Variants in PML observed in about 807,000 individuals in gnomAD.
The protein encoded by PML is protein PML.
Under a neutral mutation model 65.2 loss-of-function variants are expected in PML, and 28 were observed. The observed-to-expected ratio is 0.43, with a 90% CI of 0.32 to 0.59. The LOEUF (loss-of-function observed/expected upper bound fraction) is 0.59, where lower values mean the gene tolerates loss of function less well. PML is among the 20% of genes least tolerant of loss of function. The pLI is 0.08. For synonymous variants in PML, 500 were observed against 508.8 expected (o/e 0.98, Z 0.23); for missense variants, 1,021 against 1,203.4 (o/e 0.85, Z 2.24).
chr15:74,016,164 C>G (rs2070565115), intron 2 of PML, among the ~76,000 whole-genome samples: 1 of 152,096 alleles, frequency 6.6e-6, no homozygotes. Flanking sequence ...ATAGTCCCAG[C>G]TACTCAGGAG....
rs8023837 is a variant in PML at position 73,996,916 on chromosome 15, G to T, written c.130-1088G>T. On this transcript the variant is annotated intron_variant, in intron 1 of 8. Coordinates refer to ENST00000268058, the MANE Select transcript of PML (RefSeq NM_033238.3). ...AGGATCTTGACTGCAAATTGTTCAG[G>T]TTCTTGGCATTTTGAACAAAGAATT... Among the ~76,000 whole-genome samples the T allele has an allele frequency of 7.1e-3, 1,086 of 152,294 alleles. 10 individuals are homozygous for T. The highest frequency in any genetic ancestry group is 0.024 in the African/African-American group (1,011 of 41,572).
rs545577011 is a variant in PML, at chr15:73,998,018, G to A, written c.144G>A (p.Ser48=). 5 of 1,612,196 alleles carry A rather than the reference G, an allele frequency of 3.1e-6. No homozygotes were observed. The South Asian group carries it at 4.4e-5, about 14-fold the overall frequency. The change falls in exon 2 of 9, where the codon TCG becomes TCA. Residue 48 remains serine, a synonymous_variant. Coordinates refer to ENST00000268058, the MANE Select transcript of PML (RefSeq NM_033238.3). ...TGGTCCCCCAGCGAGCCCCCGCTTC[G>A]GAGGAGGAGTTCCAGTTTCTGCGCT... is the stretch of plus-strand genomic sequence containing the variant. The part of the protein sequence containing the change: ...SPSPTERAPA[S]EEEFQFLRCQ...
rs568147640 is a variant in PML at position 74,035,861 on chromosome 15, G to A, written c.1710+1331G>A. 6.2e-7 allele frequency: 1 copy of A among 1,613,808 alleles called. No homozygotes were observed. Among genetic ancestry groups the A allele is most frequent in the African/African-American group, 1.3e-5 (1 of 75,020 alleles). On this transcript the variant is annotated intron_variant, in intron 7 of 8. Coordinates refer to ENST00000268058, the MANE Select transcript of PML (RefSeq NM_033238.3). The surrounding 1 kb of genome is among the most constrained non-coding windows in gnomAD (Gnocchi z 4.1). ...AGGCCTCTCAAGTCCAAGTGCCTCTGGAAGCCTCTCCAATTACATTCCCAC... is the reference window on the plus strand; with the variant it reads ...AGGCCTCTCAAGTCCAAGTGCCTCTAGAAGCCTCTCCAATTACATTCCCAC...
Position 74,030,504 on chromosome 15 carries a change from C to T in PML, c.1255-2068C>T, listed in dbSNP as rs957653702. Among the ~76,000 whole-genome samples the T allele has an allele frequency of 2.0e-5, 3 of 152,102 alleles. No homozygotes were observed. In the East Asian group the frequency reaches 5.8e-4, roughly 29 times the overall value. On this transcript the variant is annotated intron_variant, in intron 4 of 8. Transcript: ENST00000268058. ...TCTCTACTAAAAATACAAAAATTAGCTGGGCGTGGGGCTGTGCGCCTGTAA... is the reference window on the plus strand; with the variant it reads ...TCTCTACTAAAAATACAAAAATTAGTTGGGCGTGGGGCTGTGCGCCTGTAA...
intron 2 of PML, among the ~76,000 whole-genome samples, chr15:74,006,390 C>CAAAAAA (rs372202858): frequency 1.3e-4 from 11 of 87,496 alleles, no homozygotes; most frequent in African/African-American, 2.4e-4. Context: ...GACTCCGTCT[C>CAAAAAA]AAAAAAAAAA....
chr15:74,024,836 G>T, intron 3 of PML, 21 bp from the exon 4 acceptor site: 1 of 1,598,890 alleles, frequency 6.3e-7, no homozygotes, highest in South Asian at 1.1e-5. Flanking sequence ...ACCTGCCTGT[G>T]ACCTTCTTTG....
Position 74,016,792 on chromosome 15 carries a change from C to CTTTTTT in PML, c.603-6019_603-6014dup, listed in dbSNP as rs535665071. On this transcript the variant is annotated intron_variant, in intron 2 of 8. Coordinates refer to ENST00000268058, the MANE Select transcript of PML (RefSeq NM_033238.3). ...TTTTGAATTTTTTAGGCAGTGGCAT[C>CTTTTTT]TTTTTTTTTTTTTTTTTTTTTTGAG... Among the ~76,000 whole-genome samples, 23 of 77,636 alleles carry CTTTTTT rather than the reference C, an allele frequency of 3.0e-4. 3 individuals carry two copies. Among genetic ancestry groups the CTTTTTT allele is most frequent in the East Asian group, 8.9e-4 (2 of 2,254 alleles). The allele number at this position is 77,636 out of a possible 152,430, so 50.9% of individuals were successfully genotyped here. A position where few individuals can be genotyped will look rare whatever the true frequency, so the allele number is the denominator to read the frequency against.
chr15:74,023,526 T>TC, intron 3 of PML, 118 bp downstream of exon 3: 1 of 857,336 alleles, frequency 1.2e-6, no homozygotes, highest in Non-Finnish European at 1.9e-6. Flanking sequence ...TATTCAGTCT[T>TC]TGGGGGTTGG....
At chr15:74,032,093 C>T (rs1165398463) in intron 4 of PML, among the ~76,000 whole-genome samples, 2 of 152,150 alleles carry the variant, frequency 1.3e-5, no homozygotes, top group Non-Finnish European at 2.9e-5. Flanking sequence ...CAGTAGTGAG[C>T]ACTTTGTCCC....
At chr15:74,021,000 C>T (rs1386855527) in intron 2 of PML, among the ~76,000 whole-genome samples, 1 of 152,126 alleles carries the variant, frequency 6.6e-6, no homozygotes, top group Non-Finnish European at 1.5e-5. Flanking sequence ...CTGCAAAGAC[C>T]CTTTTGCCAT....
At position 74,042,423 on chromosome 15, in the gene PML, C is replaced by T. The variant is rs147906513; in HGVS notation, c.1711-566C>T. Reference sequence around the variant, plus strand: ...GGGACAAGAAAAGGCAGGCTCCCGACCCCTTCCAAAGAATCATCTGGGGTT... The same window carrying T: ...GGGACAAGAAAAGGCAGGCTCCCGATCCCTTCCAAAGAATCATCTGGGGTT... On this transcript the variant is annotated intron_variant, in intron 7 of 8. Transcript: ENST00000268058. The surrounding 1 kb of genome is among the most constrained non-coding windows in gnomAD (Gnocchi z 5.3). 1.2e-4 allele frequency: 121 copies of T among 985,434 alleles called. No individual in the cohort carries two copies. The East Asian group carries it at 0.011, about 87-fold the overall frequency. 61.0% of individuals were successfully genotyped at this position (985,434 alleles called of 1,614,324 possible). A position where few individuals can be genotyped will look rare whatever the true frequency, so the allele number is the denominator to read the frequency against.
chr15:74,036,956 C>T (rs527886605), intron 7 of PML: 9 of 985,428 alleles, frequency 9.1e-6, no homozygotes, highest in East Asian at 2.3e-4. Context: ...CCTCCAGCCC[C>T]GCGCACTCCC....
rs937565901 is a variant in PML, at chr15:74,023,062, C to A, written c.837C>A (p.Ile279=). Residue 279 remains isoleucine (I), a synonymous_variant, in exon 3 of 9, where the codon ATC becomes ATA. Transcript: ENST00000268058. ...CGCGTGCCGAGACCGAGGAGCTGAT[C>A]CGCGAGCGCGTGCGCCAGGTGGTAG... is the stretch of plus-strand genomic sequence containing the variant. ...GRARAETEEL[I]RERVRQVVAH... 20 of 1,603,126 alleles carry A rather than the reference C, an allele frequency of 1.2e-5. No homozygotes were observed. The highest frequency in any genetic ancestry group is 4.5e-5 in the East Asian group (2 of 44,804).
At chr15:74,012,207 G>A (rs914315877) in intron 2 of PML, among the ~76,000 whole-genome samples, 5 of 152,142 alleles carry the variant, frequency 3.3e-5, no homozygotes, top group African/African-American at 7.2e-5. Flanking sequence ...ACAGAGTCTC[G>A]CTCTGTTGCC....
At chr15:73,995,484 A>G (rs1167764747) in intron 1 of PML, among the ~76,000 whole-genome samples, 3 of 151,994 alleles carry the variant, frequency 2.0e-5, no homozygotes, top group Non-Finnish European at 4.4e-5. Context: ...CTCTTGCCAC[A>G]CCTTTCCTGC....
In PML at chr15:74,044,747, C is replaced by T. The variant is rs748085152; in HGVS notation, c.2388C>T (p.Arg796=). 1 of 1,612,342 alleles carries T rather than the reference C, an allele frequency of 6.2e-7. No individual in the cohort carries two copies. The highest frequency in any genetic ancestry group is 8.5e-7 in the Non-Finnish European group (1 of 1,180,018). ...QAAVLPRAEA[R]LLALHNVSFM... is the part of the protein sequence containing the mutation. ...CTGTGCTGCCCCGGGCTGAGGCCCG[C>T]CTCCTGGCCCTACACAACGTGAGCT... Residue 796 remains arginine (R), a synonymous_variant, in exon 9 of 9, where the codon CGC becomes CGT. Coordinates refer to ENST00000268058, the MANE Select transcript of PML (RefSeq NM_033238.3).
At chr15:74,038,673 G>A (rs1257406841) in intron 7 of PML, among the ~76,000 whole-genome samples, 4 of 152,116 alleles carry the variant, frequency 2.6e-5, no homozygotes, top group Non-Finnish European at 4.4e-5. Flanking sequence ...AGGGGGTGGG[G>A]TGATATTCCC....
At chr15:74,036,026 C>G in intron 7 of PML, 1 of 1,614,126 alleles carries the variant, frequency 6.2e-7, no homozygotes, top group Non-Finnish European at 8.5e-7. Flanking sequence ...CCAGCCCATG[C>G]TCTTACAGGC....
Position 74,033,400 on chromosome 15 carries a change from G to A in PML, c.1643G>A (p.Gly548Asp), listed in dbSNP as rs1292101503. The change falls in exon 6 of 9, where the codon GGC becomes GAC. Residue 548 changes from glycine (G) to aspartate (D), a missense_variant. Physicochemically the swap from Gly to Asp is moderately conservative, Grantham distance 94. Coordinates refer to ENST00000268058, the MANE Select transcript of PML (RefSeq NM_033238.3). The part of the protein sequence containing the change: ...FLPNSNHVAS[G>D]AGEAEERVVV... The stretch of plus-strand genomic sequence containing the variant: ...CCCAACAGCAACCACGTGGCCAGTG[G>A]CGCCGGGGAGGCAGGTAGGGAGGTG... 1.2e-6 allele frequency: 2 copies of A among 1,612,350 alleles called. No homozygotes were observed. The highest frequency in any genetic ancestry group is 2.7e-5 in the African/African-American group (2 of 74,928).
Sources: gnomAD v4.1 joint callset for allele counts (sites outside exome capture counted in the v4.1 genomes callset) on GRCh38, gnomAD v4.1.1 for gene constraint, Gnocchi (gnomAD v3.1) non-coding constraint, MANE v1.5 for transcripts, NCBI Gene and HGNC (gene_info 2026-07-23, HGNC 2026-07-21) for gene names.